Variants in ATF7IP observed in about 807,000 individuals in gnomAD.
ATF7IP encodes activating transcription factor 7-interacting protein 1.
A neutral mutation model predicts 106.4 loss-of-function variants in ATF7IP; 23 were observed. The ratio of observed to expected loss-of-function variants is 0.22; its 90% CI spans 0.16 to 0.31. The LOEUF (loss-of-function observed/expected upper bound fraction) is 0.31, where lower values mean the gene tolerates loss of function less well. Among genes scored for constraint, ATF7IP ranks in the 10% least tolerant of loss-of-function variants. The pLI, the probability that ATF7IP is intolerant of heterozygous loss-of-function variation, is 1.00. For missense variants in ATF7IP, 1,334 were observed against 1,524.3 expected, an observed-to-expected ratio of 0.88 and a Z score of 2.08; for synonymous variants, 542 against 539.0, an observed-to-expected ratio of 1.01 and a Z score of -0.08.
At chr12:14,494,512 CCTA>C (rs761687152) in intron 13 of ATF7IP, among the ~76,000 whole-genome samples, 8 of 143,738 alleles carry the variant, frequency 5.6e-5, no homozygotes, top group Non-Finnish European at 1.2e-4. Flanking sequence ...TACTTTATAT[CCTA>C]CTATATATAT....
At chr12:14,467,116 A>C (rs114034169) in intron 10 of ATF7IP, among the ~76,000 whole-genome samples, 1 of 152,242 alleles carries the variant, frequency 6.6e-6, no homozygotes, top group African/African-American at 2.4e-5. Context: ...CCGGTAATAG[A>C]ATAACTACTT....
rs1440012065 is a variant in ATF7IP, at chr12:14,499,572, A to G, written c.*1499A>G. ...GCTTCATTTCCTCTTTATTCTCTTT[A>G]TCGTCCTTCCCATTTTAACCTTTTA... On this transcript the variant is annotated 3_prime_UTR_variant, in exon 15 of 15. Coordinates refer to ENST00000261168, the MANE Select transcript of ATF7IP (RefSeq NM_018179.5). 1 of 152,246 alleles carries G rather than the reference A, an allele frequency of 6.6e-6. No individual in the cohort carries two copies. Among genetic ancestry groups the G allele is most frequent in the Non-Finnish European group, 1.5e-5 (1 of 68,048 alleles). 9.4% of individuals were successfully genotyped at this position (152,246 alleles called of 1,614,324 possible).
chr12:14,409,487 G>A (rs74069820), intron 1 of ATF7IP, among the ~76,000 whole-genome samples: 3,062 of 152,120 alleles, frequency 0.02, 106 homozygotes, highest in African/African-American at 0.07. Flanking sequence ...TTCCATATGC[G>A]GAAGACTTTA....
intron 1 of ATF7IP, among the ~76,000 whole-genome samples, chr12:14,376,206 A>C (rs1000625200): frequency 6.6e-6 from 1 of 152,212 alleles, no homozygotes; most frequent in African/African-American, 2.4e-5. Flanking sequence ...GGATGAAGGC[A>C]TTTATTTTGG....
chr12:14,402,127 C>CTTTTTTTTTTT (rs11297116), intron 1 of ATF7IP, among the ~76,000 whole-genome samples: 4 of 101,868 alleles, frequency 3.9e-5, no homozygotes, highest in Admixed American at 1.2e-4. Flanking sequence ...TTTCTTCTTT[C>CTTTTTTTTTTT]TTTTTTTTTT....
rs1005675243 is a variant in ATF7IP, at chr12:14,456,538, C to T, written c.1996-23C>T. 5 of 1,578,848 alleles carry T rather than the reference C, an allele frequency of 3.2e-6. No individual in the cohort carries two copies. In the African/African-American group the frequency reaches 4.1e-5, roughly 13 times the overall value. Reference sequence around the variant, plus strand: ...CCTGTGTGTTGAGTTTTATTTTTACCTTGATTTTTTTTTCTCCCCCAGCAT... The same window carrying T: ...CCTGTGTGTTGAGTTTTATTTTTACTTTGATTTTTTTTTCTCCCCCAGCAT... On this transcript the variant is annotated intron_variant, in intron 6 of 14. Coordinates refer to ENST00000261168, the MANE Select transcript of ATF7IP (RefSeq NM_018179.5).
intron 1 of ATF7IP, among the ~76,000 whole-genome samples, chr12:14,401,281 C>G (rs1046576558): frequency 2.0e-5 from 2 of 101,106 alleles, no homozygotes; most frequent in African/African-American, 9.5e-5. Context: ...CTGCAACCTC[C>G]GCCTCCTGGG....
chr12:14,423,574 C>CT, intron 1 of ATF7IP, among the ~76,000 whole-genome samples: 5,128 of 34,158 alleles, frequency 0.15, 641 homozygotes, highest in South Asian at 0.22. Context: ...TCTTCAGGTA[C>CT]TTTTTTTTTT....
chr12:14,474,403 AT>A (rs764191499), intron 10 of ATF7IP, among the ~76,000 whole-genome samples: 205 of 128,984 alleles, frequency 1.6e-3, no homozygotes, highest in Middle Eastern at 3.9e-3. Flanking sequence ...AATTCTTTGA[AT>A]TTTTTTTTTT....
chr12:14,377,605 C>T (rs1938805483), intron 1 of ATF7IP, among the ~76,000 whole-genome samples: 1 of 151,310 alleles, frequency 6.6e-6, no homozygotes, highest in Admixed American at 6.6e-5. Flanking sequence ...GCCACCGCGC[C>T]CGGCCTTTCT....
chr12:14,463,682 A>G (rs1591919684), intron 9 of ATF7IP, among the ~76,000 whole-genome samples: 1 of 152,176 alleles, frequency 6.6e-6, no homozygotes, highest in Non-Finnish European at 1.5e-5. Context: ...TGGTTACAGT[A>G]TGGAGAATGG....
chr12:14,469,561 A>G (rs891556848), intron 10 of ATF7IP, among the ~76,000 whole-genome samples: 2 of 152,004 alleles, frequency 1.3e-5, no homozygotes, highest in African/African-American at 4.8e-5. Context: ...ATATCATTTT[A>G]TATAATGAAT....
At chr12:14,427,407 G>T (rs530461922) in intron 2 of ATF7IP, among the ~76,000 whole-genome samples, 1 of 151,114 alleles carries the variant, frequency 6.6e-6, no homozygotes, top group African/African-American at 2.4e-5. Context: ...CTGTTGCCCC[G>T]GCTGGAGTGC....
At chr12:14,367,280 C>T (rs1410859648) in intron 1 of ATF7IP, 3 of 151,958 alleles carry the variant, frequency 2.0e-5, no homozygotes, top group East Asian at 3.9e-4. Flanking sequence ...GTAAATATTA[C>T]CTAGATGTAA....
chr12:14,460,898 T>C lies in ATF7IP; in HGVS notation c.2562T>C (p.Ser854=), dbSNP rs775317636. 6.2e-7 allele frequency: 1 copy of C among 1,614,174 alleles called. No homozygotes were observed. The highest frequency in any genetic ancestry group is 8.5e-7 in the Non-Finnish European group (1 of 1,180,032). Residue 854 remains serine, a synonymous_variant, in exon 9 of 15, where the codon AGT becomes AGC. Coordinates refer to ENST00000261168, the MANE Select transcript of ATF7IP (RefSeq NM_018179.5). ...PNNVPSVPSP[S]IQRNPTASAA... ...ACGTTCCTTCTGTGCCCAGTCCTAG[T>C]ATTCAAAGGAACCCTACTGCCAGTG...
At chr12:14,492,029 TG>T (rs1207233554) in intron 13 of ATF7IP, among the ~76,000 whole-genome samples, 2 of 152,216 alleles carry the variant, frequency 1.3e-5, no homozygotes, top group African/African-American at 4.8e-5. Flanking sequence ...GCAGCTCTAA[TG>T]GCTTCCATTT....
chr12:14,491,403 C>T (rs1464856729), intron 13 of ATF7IP, among the ~76,000 whole-genome samples: 9 of 152,204 alleles, frequency 5.9e-5, no homozygotes, highest in Non-Finnish European at 1.5e-5. Context: ...CACTGGACCC[C>T]TAGAAATTTT....
At chr12:14,414,199 C>T (rs1384687626) in intron 1 of ATF7IP, among the ~76,000 whole-genome samples, 1 of 152,148 alleles carries the variant, frequency 6.6e-6, no homozygotes, top group African/African-American at 2.4e-5. Context: ...TATAATTATA[C>T]TTCTTTACAG....
At chr12:14,371,944 G>GT (rs1184633903) in intron 1 of ATF7IP, among the ~76,000 whole-genome samples, 65 of 152,190 alleles carry the variant, frequency 4.3e-4, no homozygotes, top group Non-Finnish European at 2.9e-5. Context: ...GTTTCTAACA[G>GT]TTGTGGGGCA....
Sources: allele counts gnomAD v4.1 joint callset (sites outside exome capture counted in the v4.1 genomes callset), GRCh38; gene constraint gnomAD v4.1.1; transcripts MANE v1.5; gene names NCBI Gene and HGNC (gene_info 2026-07-23, HGNC 2026-07-21).